The following BMP5 variants were observed in gnomAD, a reference collection of about 807,000 sequenced individuals.
BMP5 encodes the protein bone morphogenetic protein 5.
In BMP5, 23 loss-of-function variants were observed where a neutral mutation model predicts 46.6. That is an observed-to-expected ratio of 0.49 (90% confidence interval 0.35 to 0.70). The LOEUF (loss-of-function observed/expected upper bound fraction) is 0.70. Ranked by LOEUF, BMP5 falls within the 30% of genes least tolerant of loss-of-function variation. The pLI is 0.00. For synonymous variants in BMP5, 204 were observed against 191.9 expected, an observed-to-expected ratio of 1.06 and a Z score of -0.52; for missense variants, 545 against 565.6, an observed-to-expected ratio of 0.96 and a Z score of 0.37.
chr6:55,861,247 G>T (rs879533523), intron 1 of BMP5, among the ~76,000 whole-genome samples: 9 of 152,164 alleles, frequency 5.9e-5, no homozygotes, highest in East Asian at 1.9e-4. Flanking sequence ...CCAATCCCCA[G>T]TGGGGTCAGA....
Position 55,874,972 on chromosome 6 carries a change from A to C in BMP5, c.-107T>G. On this transcript the variant is annotated 5_prime_UTR_variant, in exon 1 of 7. The change creates a new upstream start codon in the 5' untranslated region. Transcript: ENST00000370830. ...CAGTTTCCCAGTAGCTGAAAAAACAAATTTACCTATTTTTCATGACAGTGA... is the reference window on the plus strand; with the variant it reads ...CAGTTTCCCAGTAGCTGAAAAAACACATTTACCTATTTTTCATGACAGTGA... 7.5e-7 allele frequency: 1 copy of C among 1,329,146 alleles called. No individual in the cohort carries two copies. The highest frequency in any genetic ancestry group is 2.3e-5 in the East Asian group (1 of 43,260). The allele number at this position is 1,329,146 out of a possible 1,614,324, so 82.3% of individuals were successfully genotyped here.
At chr6:55,811,786 G>C (rs1776142173) in intron 2 of BMP5, among the ~76,000 whole-genome samples, 1 of 151,780 alleles carries the variant, frequency 6.6e-6, no homozygotes, top group African/African-American at 2.4e-5. Flanking sequence ...CAGCTCAATA[G>C]TGAACTCCTC....
At chr6:55,764,459 G>A (rs1009491289) in intron 4 of BMP5, among the ~76,000 whole-genome samples, 5 of 151,884 alleles carry the variant, frequency 3.3e-5, no homozygotes, top group South Asian at 2.1e-4. Context: ...TGTAGTCCCA[G>A]CTACTCAGGA....
chr6:55,868,272 G>T (rs577236544), intron 1 of BMP5, among the ~76,000 whole-genome samples: 2 of 151,976 alleles, frequency 1.3e-5, no homozygotes, highest in Admixed American at 6.6e-5. Context: ...TGTTTAACAA[G>T]AACAATAAAA....
intron 2 of BMP5, among the ~76,000 whole-genome samples, chr6:55,806,288 G>A (rs1435093241): frequency 2.0e-5 from 3 of 152,062 alleles, no homozygotes; most frequent in Non-Finnish European, 4.4e-5. Flanking sequence ...TCTGCATATG[G>A]CTAGCCAGTT....
At chr6:55,859,972 C>A (rs1291757806) in intron 1 of BMP5, among the ~76,000 whole-genome samples, 1 of 151,410 alleles carries the variant, frequency 6.6e-6, no homozygotes, top group African/African-American at 2.4e-5. Context: ...AAATTTCAGA[C>A]AACACCTCTG....
intron 4 of BMP5, among the ~76,000 whole-genome samples, chr6:55,767,874 C>T (rs1353279708): frequency 2.0e-5 from 3 of 151,884 alleles, no homozygotes; most frequent in Admixed American, 6.6e-5. Flanking sequence ...AATTAGCTCA[C>T]GTTATTTGAC....
chr6:55,774,900 G>A (rs1289138868), intron 3 of BMP5, among the ~76,000 whole-genome samples: 1 of 151,924 alleles, frequency 6.6e-6, no homozygotes, highest in Non-Finnish European at 1.5e-5. Flanking sequence ...TTATCAATAT[G>A]AAGTATTGTG....
At chr6:55,802,624 A>G (rs1309283211) in intron 2 of BMP5, among the ~76,000 whole-genome samples, 1 of 152,038 alleles carries the variant, frequency 6.6e-6, no homozygotes, top group Non-Finnish European at 1.5e-5. Flanking sequence ...GGAAATTATA[A>G]ATACCAACTG....
intron 1 of BMP5, among the ~76,000 whole-genome samples, chr6:55,833,541 G>GTAAA (rs1776714121): frequency 6.6e-6 from 1 of 152,160 alleles, no homozygotes; most frequent in African/African-American, 2.4e-5. Flanking sequence ...AGGAAGCCAT[G>GTAAA]TAAATAATCA....
At chr6:55,792,318 G>A (rs1479437156) in intron 3 of BMP5, among the ~76,000 whole-genome samples, 1 of 152,128 alleles carries the variant, frequency 6.6e-6, no homozygotes, top group Non-Finnish European at 1.5e-5. Context: ...CGGATCACGA[G>A]GTCAGGAGAT....
intron 1 of BMP5, among the ~76,000 whole-genome samples, chr6:55,856,502 C>T (rs974720437): frequency 8.5e-5 from 13 of 152,202 alleles, no homozygotes; most frequent in Non-Finnish European, 1.8e-4. Context: ...GCAATTTATA[C>T]GTGTTTTAGT....
At chr6:55,809,490 T>A (rs1163544813) in intron 2 of BMP5, among the ~76,000 whole-genome samples, 2 of 152,140 alleles carry the variant, frequency 1.3e-5, no homozygotes, top group African/African-American at 4.8e-5. Context: ...TGAAAACTTA[T>A]AAAAAATAAG....
intron 4 of BMP5, among the ~76,000 whole-genome samples, chr6:55,770,328 A>T (rs1262324633): frequency 4.0e-5 from 6 of 151,832 alleles, no homozygotes; most frequent in Admixed American, 1.3e-4. Context: ...TTTGCTATGG[A>T]GACAGCTTCT....
At chr6:55,802,704 A>C (rs535506709) in intron 2 of BMP5, among the ~76,000 whole-genome samples, 1 of 152,076 alleles carries the variant, frequency 6.6e-6, no homozygotes, top group South Asian at 2.1e-4. Context: ...AAATTAATAT[A>C]TTTATGTTTT....
intron 4 of BMP5, among the ~76,000 whole-genome samples, chr6:55,762,491 T>G (rs1774811560): frequency 6.6e-6 from 1 of 152,134 alleles, no homozygotes; most frequent in South Asian, 2.1e-4. Flanking sequence ...TGCAATTAAC[T>G]TCATTAAAAC....
chr6:55,777,485 A>G (rs1040604087), intron 3 of BMP5, among the ~76,000 whole-genome samples: 1 of 152,010 alleles, frequency 6.6e-6, no homozygotes, highest in Non-Finnish European at 1.5e-5. Context: ...TTAAAAACAT[A>G]CATAAAGATG....
chr6:55,763,937 A>G (rs1774850475), intron 4 of BMP5, among the ~76,000 whole-genome samples: 1 of 152,152 alleles, frequency 6.6e-6, no homozygotes. Flanking sequence ...AAAATCATGA[A>G]AAACAAAATA....
At chr6:55,848,303 G>T (rs1436815002) in intron 1 of BMP5, among the ~76,000 whole-genome samples, 1 of 151,936 alleles carries the variant, frequency 6.6e-6, no homozygotes, top group Non-Finnish European at 1.5e-5. Flanking sequence ...AAAGCCAAAA[G>T]AATGCAAATT....
Sources: gnomAD v4.1 joint callset for allele counts (sites outside exome capture counted in the v4.1 genomes callset) on GRCh38, gnomAD v4.1.1 for gene constraint, MANE v1.5 for transcripts, NCBI Gene and HGNC (gene_info 2026-07-23, HGNC 2026-07-21) for gene names.